The following EXD2 variants were observed in gnomAD, a reference collection of about 807,000 sequenced individuals.
EXD2 encodes exonuclease 3'-5' domain containing 2, also known as exonuclease 3'-5' domain-containing protein 2.
EXD2 carries 40 observed loss-of-function variants against 62.5 expected under a neutral mutation model. The observed-to-expected ratio is 0.64, with a 90% CI of 0.50 to 0.83. EXD2 has a LOEUF of 0.83. Ranked by LOEUF, EXD2 falls within the 40% of genes least tolerant of loss-of-function variation. EXD2 has a pLI of 0.00. For synonymous variants in EXD2, 239 were observed against 291.9 expected, an observed-to-expected ratio of 0.82 and a Z score of 1.85; for missense variants, 671 against 761.8, an observed-to-expected ratio of 0.88 and a Z score of 1.40.
intron 2 of EXD2, among the ~76,000 whole-genome samples, chr14:69,206,455 C>CCTTTTCTTTTTTT (rs60787528): frequency 1.1e-5 from 1 of 94,668 alleles, no homozygotes; most frequent in African/African-American, 4.5e-5. Context: ...CACCCACCCA[C>CCTTTTCTTTTTTT]TTTTTTTTTT....
intron 3 of EXD2, among the ~76,000 whole-genome samples, chr14:69,221,277 T>G (rs2043175853): frequency 6.6e-6 from 1 of 152,226 alleles, no homozygotes; most frequent in Non-Finnish European, 1.5e-5. Flanking sequence ...GTCATTCTTT[T>G]TTACTTAAAA....
chr14:69,202,482 A>C (rs2042441887), intron 1 of EXD2, among the ~76,000 whole-genome samples: 1 of 152,216 alleles, frequency 6.6e-6, no homozygotes, highest in Non-Finnish European at 1.5e-5. Flanking sequence ...CACTCTTTGC[A>C]ACTTGTTCAT....
Position 69,237,910 on chromosome 14 carries a change from A to T in EXD2, c.1628A>T (p.Glu543Val). The change falls in exon 9 of 10, where the codon GAG (glutamate) becomes GTG (valine). Residue 543 changes from glutamate to valine, a missense_variant. Physicochemically the swap from Glu to Val is moderately radical, Grantham distance 121 (BLOSUM62 -2). Transcript: ENST00000685843. ...TDVVTEEMLQ[E>V]AASLETRISN... ...GTGGTCACAGAGGAGATGCTTCAAG[A>T]GGCTGCCAGCCTGGAGACCAGGTAC... The T allele has an allele frequency of 6.4e-7, 1 of 1,568,294 alleles. No homozygotes were observed. Among genetic ancestry groups the T allele is most frequent in the Non-Finnish European group, 8.6e-7 (1 of 1,159,664 alleles).
rs1418541739 is a variant in EXD2 at position 69,212,723 on chromosome 14, T to C, written c.333+2920T>C. On this transcript the variant is annotated intron_variant, in intron 3 of 9. Transcript: ENST00000685843. ...GATTTTTTTTTTTTTTTTTTTTTTT[T>C]TTGAGACAAGATCTTACTCTGTCAC... 2.8e-5 allele frequency among the ~76,000 whole-genome samples: 4 copies of C among 144,560 alleles called. No homozygotes were observed. The East Asian group carries it at 8.0e-4, about 29-fold the overall frequency. 94.8% of individuals were successfully genotyped at this position (144,560 alleles called of 152,430 possible).
Position 69,242,327 on chromosome 14 carries a change from A to G in EXD2, c.*1227A>G. 1 of 295,968 alleles carries G rather than the reference A, an allele frequency of 3.4e-6. No individual in the cohort carries two copies. Among genetic ancestry groups the G allele is most frequent in the South Asian group, 1.6e-4 (1 of 6,142 alleles). 18.3% of individuals were successfully genotyped at this position (295,968 alleles called of 1,614,324 possible). ...TGCCCAAGTTGGTGATGTTTACTCT[A>G]AAATTAATAATAAAACTACTTGTAA... On this transcript the variant is annotated 3_prime_UTR_variant, in exon 10 of 10. Transcript: ENST00000685843.
At chr14:69,235,559 T>C (rs1177570296) in intron 6 of EXD2, 1 of 226,050 alleles carries the variant, frequency 4.4e-6, no homozygotes, top group Non-Finnish European at 8.7e-6. Flanking sequence ...GACTAATAAG[T>C]ACTTTGGAGC....
chr14:69,198,483 A>T (rs893352626), intron 1 of EXD2, among the ~76,000 whole-genome samples: 2 of 152,094 alleles, frequency 1.3e-5, no homozygotes, highest in African/African-American at 2.4e-5. Flanking sequence ...CACTCTCCTT[A>T]TAAGTCTGTT....
Position 69,209,731 on chromosome 14 carries a change from G to C in EXD2, c.261G>C (p.Glu87Asp), listed in dbSNP as rs1432886455. The C allele has an allele frequency of 3.9e-6, 6 of 1,549,668 alleles. No homozygotes were observed. The East Asian group carries it at 1.2e-4, about 32-fold the overall frequency. Residue 87 changes from glutamate to aspartate, a missense_variant, in exon 3 of 10, where the codon GAG becomes GAC. Glu to Asp is a conservative substitution (Grantham distance 45). Transcript: ENST00000685843. The part of the protein sequence containing the change: ...AKVVTVSQEA[E>D]WDQIEPLLRS... ...TGGTGACGGTGTCTCAGGAGGCAGA[G>C]TGGGATCAAATCGAGCCCTTGCTTA...
intron 6 of EXD2, 33 bp downstream of exon 6, chr14:69,235,064 C>T: frequency 1.3e-6 from 2 of 1,524,866 alleles, no homozygotes; most frequent in South Asian, 2.7e-5. Context: ...AGTAAAGAGT[C>T]AGTGGCCCAG....
chr14:69,240,735 AAG>A, intron 9 of EXD2, 147 bp from the exon 10 acceptor site: 1 of 628,214 alleles, frequency 1.6e-6, no homozygotes, highest in Non-Finnish European at 2.8e-6. Context: ...AGAGATAAGA[AAG>A]AGGATGTTTC....
intron 5 of EXD2, 96 bp downstream of exon 5, chr14:69,230,694 G>T: frequency 7.3e-7 from 1 of 1,363,830 alleles, no homozygotes; most frequent in Non-Finnish European, 9.8e-7. Context: ...TATAAGTATT[G>T]GATGGAGATG....
intron 4 of EXD2, 99 bp from the exon 5 acceptor site, chr14:69,230,373 A>G: frequency 3.0e-6 from 2 of 663,304 alleles, no homozygotes; most frequent in East Asian, 2.7e-5. Context: ...GAGATTCAGT[A>G]TGTTATCTCT....
chr14:69,237,484 C>T, intron 8 of EXD2, 91 bp from the exon 9 acceptor site: 1 of 1,198,282 alleles, frequency 8.3e-7, no homozygotes, highest in Non-Finnish European at 1.2e-6. Context: ...ATGGTTAGGC[C>T]CCAGTTAGAA....
In EXD2 at chr14:69,200,584, C is replaced by T. The variant is rs1413669757; in HGVS notation, c.-131-3333C>T. On this transcript the variant is annotated intron_variant, in intron 1 of 9. Transcript: ENST00000685843. ...ATTACCCAGGCATCGTGGGGACTAC[C>T]TGTAGTCCCAGCTACTTGGGAGGCT... Among the ~76,000 whole-genome samples the T allele has an allele frequency of 3.3e-5, 5 of 151,998 alleles. No homozygotes were observed. The East Asian group carries it at 9.7e-4, about 29-fold the overall frequency.
In EXD2 at chr14:69,243,724, T is replaced by C. The variant is rs954773655; in HGVS notation, c.*2624T>C. 25 of 152,340 alleles carry C rather than the reference T, an allele frequency of 1.6e-4. No individual in the cohort carries two copies. Among genetic ancestry groups the C allele is most frequent in the African/African-American group, 5.5e-4 (23 of 41,580 alleles). 9.4% of individuals were successfully genotyped at this position (152,340 alleles called of 1,614,324 possible). Reference sequence around the variant, plus strand: ...TCACATTGCTGGGGCTAAGTACAAATTGACATCACCTTTTAGGAATGAAAT... The same window carrying C: ...TCACATTGCTGGGGCTAAGTACAAACTGACATCACCTTTTAGGAATGAAAT... On this transcript the variant is annotated 3_prime_UTR_variant, in exon 10 of 10. Coordinates refer to ENST00000685843, the MANE Select transcript of EXD2 (RefSeq NM_001193360.2).
At position 69,237,780 on chromosome 14, in the gene EXD2, C is replaced by G; in HGVS notation, c.1498C>G (p.Arg500Gly). 1 of 1,613,566 alleles carries G rather than the reference C, an allele frequency of 6.2e-7. No individual in the cohort carries two copies. The highest frequency in any genetic ancestry group is 8.5e-7 in the Non-Finnish European group (1 of 1,179,824). The part of the protein sequence containing the change: ...GLRLLEDPER[R>G]QVRSGARALL... ...GCGCCTGCTGGAAGATCCTGAGCGC[C>G]GGCAGGTGCGTTCTGGGGCCAGGGC... Residue 500 changes from arginine (R) to glycine (G), a missense_variant, in exon 9 of 10, where the codon CGG becomes GGG. Transcript: ENST00000685843.
chr14:69,215,122 T>C (rs984315723), intron 3 of EXD2, among the ~76,000 whole-genome samples: 1 of 152,112 alleles, frequency 6.6e-6, no homozygotes, highest in Non-Finnish European at 1.5e-5. Flanking sequence ...ACCCCGTCTC[T>C]ACTAAAAATA....
chr14:69,205,192 T>TG (rs765875223), intron 2 of EXD2, among the ~76,000 whole-genome samples: 19 of 152,218 alleles, frequency 1.2e-4, no homozygotes, highest in Non-Finnish European at 2.4e-4. Context: ...CCCATGTCTC[T>TG]GCTTTGTTGT....
At position 69,241,070 on chromosome 14, in the gene EXD2, C is replaced by A; in HGVS notation, c.1836C>A (p.Phe612Leu). The change falls in exon 10 of 10, where the codon TTC (phenylalanine) becomes TTA (leucine). Residue 612 changes from phenylalanine to leucine, a missense_variant. Transcript: ENST00000685843. ...DHNHQKLLRK[F>L]GEDLPIQLS ...ACCATCAGAAGCTGCTCCGGAAATT[C>A]GGGGAAGATCTTCCCATCCAGCTGT... The A allele has an allele frequency of 6.2e-7, 1 of 1,612,554 alleles. No individual in the cohort carries two copies. Among genetic ancestry groups the A allele is most frequent in the South Asian group, 1.1e-5 (1 of 90,996 alleles).
Sources: gnomAD v4.1 joint callset for allele counts (sites outside exome capture counted in the v4.1 genomes callset) on GRCh38, gnomAD v4.1.1 for gene constraint, MANE v1.5 for transcripts, NCBI Gene and HGNC (gene_info 2026-07-23, HGNC 2026-07-21) for gene names.